Variants in SVEP1 observed in about 807,000 individuals in gnomAD.
SVEP1 encodes the protein sushi, von Willebrand factor type A, EGF and pentraxin domain-containing protein 1.
A neutral mutation model predicts 367.3 loss-of-function variants in SVEP1; 164 were observed. The ratio of observed to expected loss-of-function variants is 0.45; its 90% confidence interval spans 0.39 to 0.51. SVEP1 has a LOEUF of 0.51. Among genes scored for constraint, SVEP1 ranks in the 20% least tolerant of loss-of-function variants. The probability of loss-of-function intolerance (pLI) is 0.00; values close to 1 mark genes in which losing one functional copy is unlikely to be tolerated. For synonymous variants in SVEP1, 1,666 were observed against 1,611.6 expected (o/e 1.03, Z -0.81); for missense variants, 4,117 against 4,425.3 (o/e 0.93, Z 1.98).
In SVEP1 at chr9:110,408,253, T is replaced by G; in HGVS notation, c.7347A>C (p.Gly2449=). 6.2e-7 allele frequency: 1 copy of G among 1,613,970 alleles called. No homozygotes were observed. Among genetic ancestry groups the G allele is most frequent in the Non-Finnish European group, 8.5e-7 (1 of 1,179,880 alleles). Residue 2449 remains glycine, a synonymous_variant, in exon 38 of 48, where the codon GGA becomes GGC. Coordinates refer to ENST00000374469, the MANE Select transcript of SVEP1 (RefSeq NM_153366.4). ...ECPQPEEIPN[G]IIDVQGLAYL... is the part of the protein sequence containing the mutation. ...AGGCAAGGCCTTGCACATCAATGAT[T>G]CCATTGGGGATTTCCTCAGGTTGGG...
At chr9:110,543,111 G>A (rs1830174060) in intron 3 of SVEP1, among the ~76,000 whole-genome samples, 2 of 151,950 alleles carry the variant, frequency 1.3e-5, no homozygotes, top group Non-Finnish European at 2.9e-5. Flanking sequence ...TCATGCCATA[G>A]GAAGGATATA....
At position 110,408,700 on chromosome 9, in the gene SVEP1, A is replaced by G; in HGVS notation, c.6900T>C (p.Ser2300=). ...TGCCAGATTTCTGACATGTCCAAGA[A>G]CTGTCACCAACAAGCTCATAACCCT... is the stretch of plus-strand genomic sequence containing the variant. The part of the protein sequence containing the change: ...CNEGYELVGD[S]SWTCQKSGKW... The change falls in exon 38 of 48, where the codon AGT becomes AGC. Residue 2300 remains serine (S), a synonymous_variant. Transcript: ENST00000374469. The G allele has an allele frequency of 6.8e-6, 11 of 1,613,998 alleles. No individual in the cohort carries two copies. Among genetic ancestry groups the G allele is most frequent in the Non-Finnish European group, 9.3e-6 (11 of 1,179,894 alleles).
intron 21 of SVEP1, 92 bp downstream of exon 21, chr9:110,457,164 C>T (rs142196674): frequency 2.8e-5 from 29 of 1,026,262 alleles, no homozygotes; most frequent in East Asian, 1.9e-4. Flanking sequence ...TGTATCTTAT[C>T]GGATATAGTT....
At chr9:110,465,840 T>A (rs746180010) in intron 18 of SVEP1, 25 bp downstream of exon 18, 2 of 1,604,538 alleles carry the variant, frequency 1.2e-6, no homozygotes, top group Non-Finnish European at 1.7e-6. Context: ...TTTAAAGAAA[T>A]ATCAATGTCT....
At chr9:110,458,052 C>G (rs1828803936) in intron 20 of SVEP1, 1 of 449,058 alleles carries the variant, frequency 2.2e-6, no homozygotes, top group African/African-American at 2.0e-5. Context: ...TCATACTTTT[C>G]CCCAAGAAAT....
At chr9:110,390,065 GTA>G (rs1410718985) in intron 40 of SVEP1, among the ~76,000 whole-genome samples, 9 of 103,870 alleles carry the variant, frequency 8.7e-5, no homozygotes, top group South Asian at 3.1e-4. Context: ...ATATATATAA[GTA>G]TATATATATA....
chr9:110,521,347 T>C (rs1459933091), intron 3 of SVEP1, among the ~76,000 whole-genome samples: 3 of 152,148 alleles, frequency 2.0e-5, no homozygotes, highest in Non-Finnish European at 2.9e-5. Context: ...TACAGACTAT[T>C]TGGACAAAGT....
intron 19 of SVEP1, 24 bp downstream of exon 19, chr9:110,458,928 C>G (rs748518542): frequency 2.5e-6 from 4 of 1,603,504 alleles, no homozygotes; most frequent in Non-Finnish European, 3.4e-6. Context: ...CATAGGATTA[C>G]ATAAGAAATG....
At position 110,481,429 on chromosome 9, in the gene SVEP1, G is replaced by A. The variant is rs1367083784; in HGVS notation, c.2178C>T (p.Pro726=). The change falls in exon 12 of 48, where the codon CCC becomes CCT. Residue 726 remains proline (P), a synonymous_variant. Coordinates refer to ENST00000374469, the MANE Select transcript of SVEP1 (RefSeq NM_153366.4). The part of the protein sequence containing the change: ...CDIHIVIKGS[P]CEIPFTPVNG... The stretch of plus-strand genomic sequence containing the variant: ...TTACAGGTGTGAATGGAATTTCACA[G>A]GGAGAACCTGTGTAAAAAAAATTGT... The A allele has an allele frequency of 3.2e-6, 5 of 1,573,496 alleles. No homozygotes were observed. The highest frequency in any genetic ancestry group is 4.3e-6 in the Non-Finnish European group (5 of 1,159,244).
At chr9:110,479,603 G>T in intron 13 of SVEP1, 32 bp downstream of exon 13, 1 of 1,565,352 alleles carries the variant, frequency 6.4e-7, no homozygotes, top group Non-Finnish European at 8.6e-7. Flanking sequence ...CCTTATAAAA[G>T]AACACACAAT....
At chr9:110,445,757 C>T in intron 26 of SVEP1, 80 bp downstream of exon 26, 1 of 1,507,346 alleles carries the variant, frequency 6.6e-7, no homozygotes, top group South Asian at 1.2e-5. Context: ...TCTACTTTCC[C>T]ATTTCCCATC....
intron 15 of SVEP1, 26 bp downstream of exon 15, chr9:110,472,133 T>G: frequency 1.3e-6 from 2 of 1,589,602 alleles, no homozygotes; most frequent in South Asian, 1.2e-5. Context: ...TTATATTGCT[T>G]TTTCAAATAG....
chr9:110,539,906 T>C (rs559277000), intron 3 of SVEP1, among the ~76,000 whole-genome samples: 4 of 152,064 alleles, frequency 2.6e-5, no homozygotes, highest in South Asian at 4.1e-4. Flanking sequence ...GGCTAGACTA[T>C]AGACTGTGCA....
At chr9:110,375,604 C>G in intron 45 of SVEP1, 141 bp from the exon 46 acceptor site, 1 of 673,870 alleles carries the variant, frequency 1.5e-6, no homozygotes, top group Non-Finnish European at 2.4e-6. Context: ...AAATAAGTTT[C>G]CTGCATGTGT....
intron 5 of SVEP1, among the ~76,000 whole-genome samples, chr9:110,503,757 C>T (rs1335790209): frequency 6.6e-6 from 1 of 152,174 alleles, no homozygotes; most frequent in Non-Finnish European, 1.5e-5. Flanking sequence ...CTTGTTCTTC[C>T]AGCTTTTTCA....
rs762275272 is a variant in SVEP1, at chr9:110,434,363, A to G, written c.5032T>C (p.Trp1678Arg). The G allele has an allele frequency of 6.2e-7, 1 of 1,611,318 alleles. No homozygotes were observed. The highest frequency in any genetic ancestry group is 1.1e-5 in the South Asian group (1 of 90,802). Residue 1678 changes from tryptophan (W) to arginine (R), a missense_variant, in exon 30 of 48, where the codon TGG becomes CGG. This residue lies in a region of SVEP1 where 2,174 missense variants were observed against 2,494.3 expected (regional missense o/e 0.87). Coordinates refer to ENST00000374469, the MANE Select transcript of SVEP1 (RefSeq NM_153366.4). ...PVQYCLNQGQ[W>R]TQPLPHCERI... is the part of the protein sequence containing the mutation. ...TCACAGTGAGGAAGTGGTTGTGTCC[A>G]CTGTCCTTGATTCAGACAGTACTGC...
chr9:110,552,024 C>CTTTTTTTTTTTT (rs34366561), intron 1 of SVEP1, among the ~76,000 whole-genome samples: 1 of 77,006 alleles, frequency 1.3e-5, no homozygotes, highest in African/African-American at 5.0e-5. Flanking sequence ...GGTACCCAAC[C>CTTTTTTTTTTTT]TTTTTTTTTT....
At chr9:110,512,097 A>G (rs1381640771) in intron 5 of SVEP1, among the ~76,000 whole-genome samples, 2 of 152,200 alleles carry the variant, frequency 1.3e-5, no homozygotes, top group Admixed American at 6.5e-5. Context: ...ATACTAAAAT[A>G]TTATTTATCA....
chr9:110,557,655 C>T (rs974495828), intron 1 of SVEP1, among the ~76,000 whole-genome samples: 1 of 152,058 alleles, frequency 6.6e-6, no homozygotes, highest in African/African-American at 2.4e-5. Flanking sequence ...TGAATGAAGA[C>T]ATATATTCAG....
Sources: allele counts gnomAD v4.1 joint callset (sites outside exome capture counted in the v4.1 genomes callset), GRCh38; gene constraint gnomAD v4.1.1; regional missense constraint gnomAD v4.1.1; transcripts MANE v1.5; gene names NCBI Gene and HGNC (gene_info 2026-07-23, HGNC 2026-07-21).